The following ANKRD62 variants were observed in gnomAD, a reference collection of about 807,000 sequenced individuals.
ANKRD62 encodes ankyrin repeat domain 62.
Under a neutral mutation model 98.8 loss-of-function variants are expected in ANKRD62, and 61 were observed. That is an observed-to-expected ratio of 0.62 (90% CI 0.50 to 0.76). The LOEUF is 0.76. Ranked by LOEUF, ANKRD62 falls within the 30% of genes least tolerant of loss-of-function variation. The pLI, the probability that ANKRD62 is intolerant of heterozygous loss-of-function variation, is 0.00. For missense variants in ANKRD62, 933 were observed against 1,082.9 expected (o/e 0.86, Z 1.94); for synonymous variants, 341 against 367.9 (o/e 0.93, Z 0.84).
chr18:12,099,661 A>T lies in ANKRD62; in HGVS notation c.799A>T (p.Ser267Cys), dbSNP rs758478490. ...ATATAAAGCAAACAAGAGATGTAAAAGTCTTCAAAATAGCAATTCAGGTAT... is the reference window on the plus strand; with the variant it reads ...ATATAAAGCAAACAAGAGATGTAAATGTCTTCAAAATAGCAATTCAGGTAT... Reference protein sequence around the residue: ...SEYKANKRCKSLQNSNSEQDL... With the variant: ...SEYKANKRCKCLQNSNSEQDL... The change falls in exon 6 of 14, where the codon AGT (serine) becomes TGT (cysteine). Residue 267 changes from serine to cysteine, a missense_variant. Coordinates refer to ENST00000587848, the MANE Select transcript of ANKRD62 (RefSeq NM_001277333.2). 3.7e-4 allele frequency: 552 copies of T among 1,493,472 alleles called. 1 individual carries two copies. The highest frequency in any genetic ancestry group is 4.7e-4 in the Non-Finnish European group (527 of 1,122,846). 92.5% of individuals were successfully genotyped at this position (1,493,472 alleles called of 1,614,324 possible). A position where few individuals can be genotyped will look rare whatever the true frequency, so the allele number is the denominator to read the frequency against.
chr18:12,151,651 ATAAT>A, the ANKRD62 span, among the ~76,000 whole-genome samples: 5 of 152,338 alleles, frequency 3.3e-5, no homozygotes, highest in African/African-American at 1.2e-4. Context: ...CACAATTGAA[ATAAT>A]TAGAGAAGCA....
chr18:12,141,179 T>G, the ANKRD62 span, among the ~76,000 whole-genome samples: 1 of 152,248 alleles, frequency 6.6e-6, no homozygotes, highest in Non-Finnish European at 1.5e-5. Context: ...TCTCCTGGTG[T>G]GCCGTTTGTT....
At chr18:12,152,108 G>A in the ANKRD62 span, among the ~76,000 whole-genome samples, 65 of 135,894 alleles carry the variant, frequency 4.8e-4, no homozygotes, top group Non-Finnish European at 7.4e-4. Flanking sequence ...CCCAGGACCC[G>A]ATGGATTCAC....
chr18:12,131,259 G>A (rs1199907977), downstream of ANKRD62, among the ~76,000 whole-genome samples: 1 of 152,156 alleles, frequency 6.6e-6, no homozygotes, highest in Admixed American at 6.5e-5. Context: ...TGCAGCAGGT[G>A]TACAAGGAAA....
rs1267421751 is a variant in ANKRD62, at chr18:12,095,270, G to A, written c.318G>A (p.Arg106=). The A allele has an allele frequency of 1.3e-6, 2 of 1,540,074 alleles. No individual in the cohort carries two copies. The highest frequency in any genetic ancestry group is 2.0e-5 in the Admixed American group (1 of 50,988). ...TTAACCTCACTGACAGTGAAAACAG[G>A]ACAGCTCTGATCAAGGTATATGGTA... ...CQLNLTDSEN[R]TALIKAVQCQ... Residue 106 remains arginine, a synonymous_variant, in exon 2 of 14, where the codon AGG becomes AGA. Coordinates refer to ENST00000587848, the MANE Select transcript of ANKRD62 (RefSeq NM_001277333.2).
chr18:12,154,349 C>T, the ANKRD62 span, among the ~76,000 whole-genome samples: 1 of 152,122 alleles, frequency 6.6e-6, no homozygotes, highest in African/African-American at 2.4e-5. Context: ...AAGAAAAACC[C>T]AGTATCACTG....
intron 10 of ANKRD62, among the ~76,000 whole-genome samples, chr18:12,116,822 G>C (rs972267982): frequency 1.3e-5 from 2 of 152,122 alleles, no homozygotes; most frequent in Non-Finnish European, 2.9e-5. Flanking sequence ...GGTTAGAATT[G>C]TGTTGCATTT....
the ANKRD62 span, among the ~76,000 whole-genome samples, chr18:12,144,811 C>G: frequency 1.6e-5 from 1 of 64,180 alleles, no homozygotes. Context: ...CAGGAAGTCT[C>G]ACACATTAAG....
downstream of ANKRD62, among the ~76,000 whole-genome samples, chr18:12,132,007 C>CTGTGAT (rs1598740493): frequency 2.0e-5 from 3 of 152,106 alleles, no homozygotes; most frequent in East Asian, 1.9e-4. Flanking sequence ...TGGATTTGGA[C>CTGTGAT]TGTGATTGCA....
chr18:12,108,444 A>G (rs1209053019), intron 8 of ANKRD62, among the ~76,000 whole-genome samples: 2 of 152,182 alleles, frequency 1.3e-5, no homozygotes, highest in East Asian at 3.9e-4. Context: ...TCACAAGAAC[A>G]GCATGGGGGA....
intron 4 of ANKRD62, 145 bp from the exon 5 acceptor site, chr18:12,097,495 G>T: frequency 1.1e-6 from 1 of 871,552 alleles, no homozygotes; most frequent in Non-Finnish European, 1.7e-6. Context: ...GAACCCTTGA[G>T]CACCCAAGAT....
At chr18:12,163,502 C>T in the ANKRD62 span, among the ~76,000 whole-genome samples, 2 of 152,026 alleles carry the variant, frequency 1.3e-5, no homozygotes, top group Admixed American at 1.3e-4. Context: ...CACTTTATTT[C>T]TTTCTTTTGT....
chr18:12,159,669 A>T, the ANKRD62 span, among the ~76,000 whole-genome samples: 1 of 152,198 alleles, frequency 6.6e-6, no homozygotes, highest in African/African-American at 2.4e-5. Flanking sequence ...GAGAAACGTG[A>T]TGAGTAATGT....
the ANKRD62 span, among the ~76,000 whole-genome samples, chr18:12,135,297 G>GT: frequency 1.2e-4 from 18 of 148,196 alleles, no homozygotes; most frequent in Non-Finnish European, 1.9e-4. Flanking sequence ...GCGGTGTTTG[G>GT]TTTTTTGTCC....
the ANKRD62 span, among the ~76,000 whole-genome samples, chr18:12,172,861 T>C: frequency 6.6e-6 from 1 of 152,182 alleles, no homozygotes; most frequent in African/African-American, 2.4e-5. Flanking sequence ...CTCAGACTGC[T>C]GTGCTAGCAG....
the ANKRD62 span, among the ~76,000 whole-genome samples, chr18:12,163,867 C>G: frequency 1.3e-5 from 2 of 151,962 alleles, no homozygotes; most frequent in Non-Finnish European, 2.9e-5. Flanking sequence ...ATAAATTTCA[C>G]TTGGTCATGA....
the ANKRD62 span, among the ~76,000 whole-genome samples, chr18:12,155,922 T>C: frequency 2.6e-5 from 4 of 152,144 alleles, no homozygotes; most frequent in Admixed American, 6.5e-5. Flanking sequence ...TTTGTCCCCT[T>C]TAAATTTCAT....
At position 12,096,234 on chromosome 18, in the gene ANKRD62, A is replaced by G. The variant is rs1909179717; in HGVS notation, c.546A>G (p.Lys182=). 6.5e-7 allele frequency: 1 copy of G among 1,536,016 alleles called. No homozygotes were observed. Among genetic ancestry groups the G allele is most frequent in the South Asian group, 1.2e-5 (1 of 83,234 alleles). The change falls in exon 4 of 14, where the codon AAA becomes AAG. Residue 182 remains lysine (K), a synonymous_variant. Coordinates refer to ENST00000587848, the MANE Select transcript of ANKRD62 (RefSeq NM_001277333.2). ...CACTTTTACTCGCTGTAAATAGGAA[A>G]AAAGAGCAAATGGTGGCATTTTTGT... ...HTSLLLAVNR[K]KEQMVAFLLK...
chr18:12,170,080 G>C, the ANKRD62 span, among the ~76,000 whole-genome samples: 2 of 152,128 alleles, frequency 1.3e-5, no homozygotes, highest in Non-Finnish European at 2.9e-5. Context: ...CAAAAAACTA[G>C]CTCCTGGATT....
Sources: gnomAD v4.1 joint callset for allele counts (sites outside exome capture counted in the v4.1 genomes callset) on GRCh38, gnomAD v4.1.1 for gene constraint, MANE v1.5 for transcripts, NCBI Gene and HGNC (gene_info 2026-07-23, HGNC 2026-07-21) for gene names.